The following DNM3 variants were observed in gnomAD, a reference collection of about 807,000 sequenced individuals.
DNM3 encodes dynamin-3.
DNM3 carries 47 observed loss-of-function variants against 101.6 expected under a neutral mutation model. The observed-to-expected ratio is 0.46, with a 90% CI of 0.37 to 0.59. The LOEUF (loss-of-function observed/expected upper bound fraction) is 0.59. DNM3 is among the 20% of genes least tolerant of loss of function. The probability of loss-of-function intolerance (pLI) is 0.00; values close to 1 mark genes in which losing one functional copy is unlikely to be tolerated. For missense variants in DNM3, 849 were observed against 1,085.7 expected, an observed-to-expected ratio of 0.78 and a Z score of 3.06; for synonymous variants, 385 against 387.9, an observed-to-expected ratio of 0.99 and a Z score of 0.09.
At chr1:172,235,167 C>T (rs1239803131) in intron 14 of DNM3, among the ~76,000 whole-genome samples, 1 of 151,816 alleles carries the variant, frequency 6.6e-6, no homozygotes, top group Admixed American at 6.6e-5. Flanking sequence ...AAAAACAACC[C>T]CATCAACAAG....
chr1:172,187,207 A>G (rs903480467), intron 14 of DNM3, among the ~76,000 whole-genome samples: 1 of 152,064 alleles, frequency 6.6e-6, no homozygotes, highest in Non-Finnish European at 1.5e-5. Flanking sequence ...CCAGCAGTCC[A>G]GAGTGATCAC....
rs746417071 is a variant in DNM3, at chr1:172,411,086, A to G, written c.*3245A>G. 6.1e-6 allele frequency: 6 copies of G among 983,712 alleles called. No individual in the cohort carries two copies. Among genetic ancestry groups the G allele is most frequent in the Non-Finnish European group, 3.6e-6 (3 of 828,530 alleles). 60.9% of individuals were successfully genotyped at this position (983,712 alleles called of 1,614,324 possible). On this transcript the variant is annotated 3_prime_UTR_variant, in exon 21 of 21. Transcript: ENST00000627582. ...GTGTGATTGTATGTGCACTGTGTGT[A>G]TATATATAAATATATGTATATGTAT... is the stretch of plus-strand genomic sequence containing the variant.
intron 14 of DNM3, among the ~76,000 whole-genome samples, chr1:172,202,240 G>A (rs1445183038): frequency 1.3e-5 from 2 of 152,186 alleles, no homozygotes; most frequent in East Asian, 3.8e-4. Context: ...GAGTTAGGAA[G>A]TGTTCCTTCT....
chr1:172,246,716 G>A (rs958278336), intron 14 of DNM3, among the ~76,000 whole-genome samples: 1 of 152,170 alleles, frequency 6.6e-6, no homozygotes, highest in Non-Finnish European at 1.5e-5. Context: ...GGGCAATCCA[G>A]TGTCTCAGAA....
At chr1:172,347,473 A>G (rs997206316) in intron 17 of DNM3, among the ~76,000 whole-genome samples, 12 of 152,208 alleles carry the variant, frequency 7.9e-5, no homozygotes, top group Non-Finnish European at 1.6e-4. Context: ...ATGAGAAGAA[A>G]AGATCAAGCA....
Position 172,042,108 on chromosome 1 carries a change from T to A in DNM3, c.1092T>A (p.Arg364=). 6.2e-7 allele frequency: 1 copy of A among 1,609,706 alleles called. No individual in the cohort carries two copies. Among genetic ancestry groups the A allele is most frequent in the Non-Finnish European group, 8.5e-7 (1 of 1,178,750 alleles). ...TCTCAGGTGGTGCTAAAATCAATCG[T>A]ATTTTTCATGAACGCTTTCCTTTTG... ...LELSGGAKIN[R]IFHERFPFEI... The change falls in exon 8 of 21, where the codon CGT becomes CGA. Residue 364 remains arginine, a synonymous_variant. Transcript: ENST00000627582.
At chr1:172,272,682 G>A (rs2063132804) in intron 15 of DNM3, among the ~76,000 whole-genome samples, 1 of 152,080 alleles carries the variant, frequency 6.6e-6, no homozygotes, top group Non-Finnish European at 1.5e-5. Context: ...CCATTTTAGG[G>A]CAAAAGTATA....
intron 14 of DNM3, among the ~76,000 whole-genome samples, chr1:172,134,830 T>A (rs2057128328): frequency 6.6e-6 from 1 of 152,140 alleles, no homozygotes; most frequent in Admixed American, 6.6e-5. Context: ...GTTAATGTTC[T>A]GAGGCAGGAT....
intron 16 of DNM3, among the ~76,000 whole-genome samples, chr1:172,314,504 G>A (rs1487306876): frequency 6.6e-6 from 1 of 152,148 alleles, no homozygotes. Flanking sequence ...GGTGACAGAC[G>A]GCACCTGGAA....
At chr1:172,205,854 T>A (rs904220973) in intron 14 of DNM3, among the ~76,000 whole-genome samples, 1 of 152,138 alleles carries the variant, frequency 6.6e-6, no homozygotes, top group African/African-American at 2.4e-5. Flanking sequence ...AAACATTAGT[T>A]GCAATGAGTC....
chr1:171,931,249 T>G (rs2040983311), intron 2 of DNM3, among the ~76,000 whole-genome samples: 1 of 152,216 alleles, frequency 6.6e-6, no homozygotes, highest in Admixed American at 6.5e-5. Flanking sequence ...GATCTACAAA[T>G]TCAATGCAAT....
chr1:172,055,644 A>C (rs529597443), intron 10 of DNM3, among the ~76,000 whole-genome samples: 11 of 152,324 alleles, frequency 7.2e-5, no homozygotes, highest in Admixed American at 2.6e-4. Context: ...CCTGGTTTTC[A>C]ACAATGATTA....
At chr1:171,995,393 CTG>C (rs1175523778) in intron 4 of DNM3, among the ~76,000 whole-genome samples, 1 of 151,896 alleles carries the variant, frequency 6.6e-6, no homozygotes, top group East Asian at 1.9e-4. Context: ...GTGTGAGCCA[CTG>C]TGCCTAGCTA....
intron 13 of DNM3, among the ~76,000 whole-genome samples, chr1:172,124,933 G>A (rs953778534): frequency 1.3e-5 from 2 of 152,138 alleles, no homozygotes; most frequent in Admixed American, 6.5e-5. Context: ...CCTTAGAAAC[G>A]AGTCTGCTAG....
intron 14 of DNM3, among the ~76,000 whole-genome samples, chr1:172,200,194 G>C (rs2060102713): frequency 6.6e-6 from 1 of 152,050 alleles, no homozygotes; most frequent in Non-Finnish European, 1.5e-5. Context: ...TGAAATTCTT[G>C]GTTGAAGATT....
intron 13 of DNM3, among the ~76,000 whole-genome samples, chr1:172,107,356 G>A (rs552291473): frequency 4.3e-4 from 65 of 151,732 alleles, no homozygotes; most frequent in Admixed American, 4.3e-3. Context: ...GACATCTTAA[G>A]AAGATGGTGA....
chr1:172,273,119 T>TA (rs1469269119), intron 15 of DNM3, among the ~76,000 whole-genome samples: 1 of 152,102 alleles, frequency 6.6e-6, no homozygotes, highest in South Asian at 2.1e-4. Flanking sequence ...ATACATATGT[T>TA]AAAAAATAAG....
At chr1:171,867,313 T>C (rs1278306650) in intron 1 of DNM3, among the ~76,000 whole-genome samples, 2 of 152,236 alleles carry the variant, frequency 1.3e-5, no homozygotes. Flanking sequence ...AGTTGAGGAA[T>C]ACTGTGCTTC....
At chr1:172,273,762 A>G (rs1345935523) in intron 15 of DNM3, among the ~76,000 whole-genome samples, 1 of 152,096 alleles carries the variant, frequency 6.6e-6, no homozygotes, top group Non-Finnish European at 1.5e-5. Context: ...GAAAGTGAAA[A>G]AAGCAAACTA....
Sources: allele counts gnomAD v4.1 joint callset (sites outside exome capture counted in the v4.1 genomes callset), GRCh38; gene constraint gnomAD v4.1.1; transcripts MANE v1.5; gene names NCBI Gene and HGNC (gene_info 2026-07-23, HGNC 2026-07-21).